Variants in SMURF1 observed in about 807,000 individuals in gnomAD.
The protein encoded by SMURF1 is E3 ubiquitin-protein ligase SMURF1.
Under a neutral mutation model 98.0 loss-of-function variants are expected in SMURF1, and 44 were observed. The ratio of observed to expected loss-of-function variants is 0.45; its 90% confidence interval spans 0.35 to 0.58. The LOEUF (loss-of-function observed/expected upper bound fraction) is 0.58, where lower values mean the gene tolerates loss of function less well. SMURF1 is among the 20% of genes least tolerant of loss of function. The pLI, the probability that SMURF1 is intolerant of heterozygous loss-of-function variation, is 0.00. For missense variants in SMURF1, 687 were observed against 938.4 expected (o/e 0.73, Z 3.50); for synonymous variants, 396 against 374.9 (o/e 1.06, Z -0.65).
At chr7:99,062,636 G>C (rs1796058523) in intron 1 of SMURF1, among the ~76,000 whole-genome samples, 2 of 152,136 alleles carry the variant, frequency 1.3e-5, no homozygotes, top group African/African-American at 4.8e-5. Context: ...ATCACCTGAG[G>C]TCAGGAGTTC....
At chr7:99,131,812 G>A (rs536701519) in intron 1 of SMURF1, among the ~76,000 whole-genome samples, 11 of 152,274 alleles carry the variant, frequency 7.2e-5, no homozygotes, top group African/African-American at 2.6e-4. Flanking sequence ...AGAAAGGGAG[G>A]GAAGACTTAG....
intron 1 of SMURF1, among the ~76,000 whole-genome samples, chr7:99,067,407 G>C (rs1584473964): frequency 6.6e-6 from 1 of 152,084 alleles, no homozygotes; most frequent in African/African-American, 2.4e-5. Context: ...ATTTTTCAGT[G>C]TGGACCAATG....
At position 99,139,787 on chromosome 7, in the gene SMURF1, T is replaced by C. The variant is rs1584223668; in HGVS notation, c.55+3939A>G. Among the ~76,000 whole-genome samples the C allele has an allele frequency of 2.0e-5, 3 of 152,216 alleles. No homozygotes were observed. In the East Asian group the frequency reaches 5.8e-4, roughly 29 times the overall value. The stretch of plus-strand genomic sequence containing the variant: ...AATACCACAAAAACATTCGTTAAAA[T>C]GTTATTATTTTAAATACAAAGGCTC... On this transcript the variant is annotated intron_variant, in intron 1 of 17. Transcript: ENST00000361368.
intron 1 of SMURF1, among the ~76,000 whole-genome samples, chr7:99,100,291 A>G (rs1346116989): frequency 6.6e-6 from 1 of 152,246 alleles, no homozygotes; most frequent in African/African-American, 2.4e-5. Flanking sequence ...CCAATGGCTC[A>G]CGCCTGTAAT....
intron 1 of SMURF1, among the ~76,000 whole-genome samples, chr7:99,101,400 C>T (rs924467665): frequency 6.6e-6 from 1 of 152,102 alleles, no homozygotes; most frequent in Non-Finnish European, 1.5e-5. Flanking sequence ...AAAGAATGTT[C>T]CATTCATGTA....
chr7:99,054,832 C>T lies in SMURF1; in HGVS notation c.437G>A (p.Gly146Asp). 6.2e-7 allele frequency: 1 copy of T among 1,614,122 alleles called. No homozygotes were observed. The highest frequency in any genetic ancestry group is 8.5e-7 in the Non-Finnish European group (1 of 1,180,008). Residue 146 changes from glycine to aspartate, a missense_variant, in exon 6 of 18, where the codon GGC becomes GAC. Physicochemically the swap from Gly to Asp is moderately conservative, Grantham distance 94. Coordinates refer to ENST00000361368, the MANE Select transcript of SMURF1 (RefSeq NM_181349.3). ...TCCTCTGCAGTCCACCACCGAGCCG[C>T]CGGTTCCTATTCTGTCTCGTGTCTG... ...SLQTRDRIGT[G>D]GSVVDCRGLL...
At chr7:99,058,441 T>G (rs574428555) in intron 3 of SMURF1, among the ~76,000 whole-genome samples, 1 of 152,350 alleles carries the variant, frequency 6.6e-6, no homozygotes, top group East Asian at 1.9e-4. Context: ...ATTTACTATA[T>G]TTTAATAGTC....
intron 1 of SMURF1, among the ~76,000 whole-genome samples, chr7:99,102,904 A>G (rs947051555): frequency 1.3e-5 from 2 of 152,030 alleles, no homozygotes; most frequent in African/African-American, 4.8e-5. Flanking sequence ...CCAGGGCTCA[A>G]GCGATCCTCC....
At chr7:99,116,029 A>G (rs1392416535) in intron 1 of SMURF1, among the ~76,000 whole-genome samples, 1 of 152,236 alleles carries the variant, frequency 6.6e-6, no homozygotes, top group Non-Finnish European at 1.5e-5. Flanking sequence ...ACAGATGCAA[A>G]TAATCCTCAA....
intron 1 of SMURF1, among the ~76,000 whole-genome samples, chr7:99,074,710 T>TA (rs201973449): frequency 0.019 from 2,777 of 148,174 alleles, 125 homozygotes; most frequent in Admixed American, 0.091. Flanking sequence ...CAACTCAATT[T>TA]AAAAAAAAAA....
rs577967503 is a variant in SMURF1, at chr7:99,089,683, G to T, written c.56-27846C>A. 1.7e-4 allele frequency among the ~76,000 whole-genome samples: 26 copies of T among 151,936 alleles called. No homozygotes were observed. The South Asian group carries it at 4.1e-3, about 24-fold the overall frequency. On this transcript the variant is annotated intron_variant, in intron 1 of 17. Coordinates refer to ENST00000361368, the MANE Select transcript of SMURF1 (RefSeq NM_181349.3). ...AAAACAAAACAAAACAATACAACGGGTTAGTGGTTTTGTCTTCAAAAAGCC... is the reference window on the plus strand; with the variant it reads ...AAAACAAAACAAAACAATACAACGGTTTAGTGGTTTTGTCTTCAAAAAGCC...
chr7:99,089,220 AAATC>A (rs138846676), intron 1 of SMURF1, among the ~76,000 whole-genome samples: 2,891 of 151,708 alleles, frequency 0.019, 38 homozygotes, highest in Non-Finnish European at 0.032. Context: ...AAAAAGAAAG[AAATC>A]AATCAATCAG....
At chr7:99,063,281 ATATATATATATATATATATAT>A (rs1796105190) in intron 1 of SMURF1, among the ~76,000 whole-genome samples, 1 of 18,766 alleles carries the variant, frequency 5.3e-5, no homozygotes, top group Non-Finnish European at 1.5e-4. Context: ...ATATATATAT[ATATATATATATATATATATAT>A]ATAAAAAGAG....
In SMURF1 at chr7:99,102,362, AT is replaced by A. The variant is rs1346124697; in HGVS notation, c.56-40526del. Among the ~76,000 whole-genome samples, 5 of 152,344 alleles carry A rather than the reference AT, an allele frequency of 3.3e-5. No homozygotes were observed. In the East Asian group the frequency reaches 5.8e-4, roughly 18 times the overall value. On this transcript the variant is annotated intron_variant, in intron 1 of 17. Transcript: ENST00000361368. Reference sequence around the variant, plus strand: ...TAAAATGGCAAATTTTATAATGTGTATTTTGCCAAATTTACAAAATGAATAA... The same window carrying A: ...TAAAATGGCAAATTTTATAATGTGTATTTGCCAAATTTACAAAATGAATAA...
At chr7:99,062,736 T>A (rs1192228106) in intron 1 of SMURF1, among the ~76,000 whole-genome samples, 1 of 152,038 alleles carries the variant, frequency 6.6e-6, no homozygotes, top group Non-Finnish European at 1.5e-5. Context: ...TAATCCCAGC[T>A]ACTCCAGAAG....
chr7:99,088,433 G>A (rs879433027), intron 1 of SMURF1, among the ~76,000 whole-genome samples: 10 of 150,958 alleles, frequency 6.6e-5, no homozygotes, highest in African/African-American at 2.2e-4. Flanking sequence ...CAAGTCCCCC[G>A]TCCCCCTTCT....
intron 17 of SMURF1, chr7:99,031,354 C>A (rs546795983): frequency 1.3e-5 from 2 of 152,170 alleles, no homozygotes; most frequent in Non-Finnish European, 2.9e-5. Flanking sequence ...GGGGGAAGCT[C>A]ATTTCCAGTA....
chr7:99,100,645 G>A (rs919502027), intron 1 of SMURF1, among the ~76,000 whole-genome samples: 2 of 152,180 alleles, frequency 1.3e-5, no homozygotes, highest in Non-Finnish European at 2.9e-5. Flanking sequence ...GCTTTCCCAG[G>A]AGACTAAAGC....
intron 1 of SMURF1, among the ~76,000 whole-genome samples, chr7:99,119,137 T>G (rs985627304): frequency 2.0e-5 from 3 of 150,602 alleles, no homozygotes; most frequent in Non-Finnish European, 4.4e-5. Context: ...GAACAGTGTA[T>G]AGTGTGCTTC....
Sources: allele counts gnomAD v4.1 joint callset (sites outside exome capture counted in the v4.1 genomes callset), GRCh38; gene constraint gnomAD v4.1.1; transcripts MANE v1.5; gene names NCBI Gene and HGNC (gene_info 2026-07-23, HGNC 2026-07-21).